XIRP2: variants seen among roughly 807,000 people sequenced by gnomAD.
The protein encoded by XIRP2 is xin actin-binding repeat-containing protein 2.
In XIRP2, 236 loss-of-function variants were observed where a neutral mutation model predicts 277.0. The observed-to-expected ratio is 0.85, with a 90% CI of 0.77 to 0.95. XIRP2 has a LOEUF of 0.95. XIRP2 is among the 40% of genes least tolerant of loss of function. The probability of loss-of-function intolerance (pLI) is 0.00; values close to 1 mark genes in which losing one functional copy is unlikely to be tolerated. For synonymous variants in XIRP2, 1,490 were observed against 1,416.5 expected (o/e 1.05, Z -1.17); for missense variants, 4,640 against 4,157.5 (o/e 1.12, Z -3.19).
chr2:167,114,461 A>G (rs927336358), intron 2 of XIRP2, among the ~76,000 whole-genome samples: 6 of 151,876 alleles, frequency 4.0e-5, no homozygotes, highest in African/African-American at 1.2e-4. Flanking sequence ...TATTATTATT[A>G]TACTTTAAGT....
At chr2:166,979,530 T>C (rs1187331734) in intron 2 of XIRP2, among the ~76,000 whole-genome samples, 1 of 151,828 alleles carries the variant, frequency 6.6e-6, no homozygotes, top group African/African-American at 2.4e-5. Context: ...TTTTTAGAGA[T>C]ACTATTTATC....
chr2:167,128,222 T>C (rs116417666), intron 2 of XIRP2, among the ~76,000 whole-genome samples: 19 of 152,220 alleles, frequency 1.2e-4, no homozygotes, highest in Non-Finnish European at 2.2e-4. Context: ...CTTCTCACTA[T>C]CCTAATGTAG....
rs751487466 is a variant in XIRP2, at chr2:167,246,134, G to A, written c.4742G>A (p.Arg1581Gln). 1.1e-5 allele frequency: 17 copies of A among 1,613,028 alleles called. No individual in the cohort carries two copies. Among genetic ancestry groups the A allele is most frequent in the Admixed American group, 6.7e-5 (4 of 59,856 alleles). Reference protein sequence around the residue: ...IIEADEIGDVRMAKYKLMNQA... With the variant: ...IIEADEIGDVQMAKYKLMNQA... Reference sequence around the variant, plus strand: ...GAAGCTGATGAAATAGGGGATGTTCGAATGGCAAAATACAAGCTAATGAAC... The same window carrying A: ...GAAGCTGATGAAATAGGGGATGTTCAAATGGCAAAATACAAGCTAATGAAC... The change falls in exon 9 of 11, where the codon CGA becomes CAA. Residue 1581 changes from arginine to glutamine, a missense_variant. Transcript: ENST00000409195.
intron 3 of XIRP2, among the ~76,000 whole-genome samples, chr2:167,188,609 C>CTAT (rs1327144236): frequency 6.6e-6 from 1 of 152,178 alleles, no homozygotes; most frequent in Non-Finnish European, 1.5e-5. Context: ...AGTGGCAAAA[C>CTAT]TATTGGGTCA....
Position 167,251,134 on chromosome 2 carries a change from G to A in XIRP2, c.9742G>A (p.Ala3248Thr). The change falls in exon 9 of 11, where the codon GCT (alanine) becomes ACT (threonine). Residue 3248 changes from alanine to threonine, a missense_variant. By Grantham distance (58) the Ala-to-Thr change is moderately conservative. Coordinates refer to ENST00000409195, the MANE Select transcript of XIRP2 (RefSeq NM_152381.6). ...ITIPVNINHA[A>T]SGSFRESVDA... is the part of the protein sequence containing the mutation. ...AATACCAGTAAATATAAATCATGCT[G>A]CTAGTGGTTCCTTCAGAGAATCTGT... 6.2e-7 allele frequency: 1 copy of A among 1,613,476 alleles called. No individual in the cohort carries two copies. The highest frequency in any genetic ancestry group is 2.2e-5 in the East Asian group (1 of 44,826).
chr2:166,908,064 G>T (rs145869064), intron 2 of XIRP2, among the ~76,000 whole-genome samples: 4 of 151,910 alleles, frequency 2.6e-5, no homozygotes, highest in African/African-American at 7.3e-5. Context: ...GAATAGTGCC[G>T]CAGTAAACAT....
At chr2:166,920,074 G>A (rs926879441) in intron 2 of XIRP2, among the ~76,000 whole-genome samples, 7 of 151,948 alleles carry the variant, frequency 4.6e-5, no homozygotes, top group East Asian at 1.9e-4. Context: ...GCTAACATTC[G>A]TCTGCCCTCA....
At chr2:167,026,718 T>A (rs1310012231) in intron 2 of XIRP2, among the ~76,000 whole-genome samples, 1 of 152,176 alleles carries the variant, frequency 6.6e-6, no homozygotes, top group Non-Finnish European at 1.5e-5. Context: ...ATATGAAGCT[T>A]AGTTTGGGTG....
At chr2:166,899,222 T>G (rs1684316842) in intron 1 of XIRP2, among the ~76,000 whole-genome samples, 2 of 152,112 alleles carry the variant, frequency 1.3e-5, no homozygotes, top group Non-Finnish European at 2.9e-5. Context: ...CACATAAAGC[T>G]TATCACAGTC....
chr2:167,158,168 T>G (rs73019950), intron 3 of XIRP2, among the ~76,000 whole-genome samples: 15,025 of 152,164 alleles, frequency 0.099, 788 homozygotes, highest in South Asian at 0.15. Flanking sequence ...AAAATCCAAC[T>G]GAAAATAGCT....
At chr2:167,241,940 C>T (rs1239238649) in intron 8 of XIRP2, 30 bp downstream of exon 8, 2 of 1,597,232 alleles carry the variant, frequency 1.3e-6, no homozygotes, top group Non-Finnish European at 1.7e-6. Context: ...CAGAAACATA[C>T]TAAGTGTAAG....
intron 2 of XIRP2, among the ~76,000 whole-genome samples, chr2:167,134,440 T>C (rs1190134050): frequency 6.6e-6 from 1 of 152,026 alleles, no homozygotes; most frequent in African/African-American, 2.4e-5. Flanking sequence ...ATAGAAAATG[T>C]ATCTACTCTA....
chr2:167,218,107 C>T lies in XIRP2; in HGVS notation c.724-59C>T, dbSNP rs191944243. On this transcript the variant is annotated intron_variant, in intron 4 of 10. Transcript: ENST00000409195. Reference sequence around the variant, plus strand: ...ATGTCAACTATTTTTAAAATAGCTTCAGAATCCCATCCTGCACAGCTGTAA... The same window carrying T: ...ATGTCAACTATTTTTAAAATAGCTTTAGAATCCCATCCTGCACAGCTGTAA... 15 of 1,351,822 alleles carry T rather than the reference C, an allele frequency of 1.1e-5. No homozygotes were observed. The East Asian group carries it at 3.9e-4, about 35-fold the overall frequency. 83.7% of individuals were successfully genotyped at this position (1,351,822 alleles called of 1,614,324 possible).
At chr2:167,047,650 G>A (rs1344056499) in intron 2 of XIRP2, among the ~76,000 whole-genome samples, 2 of 151,876 alleles carry the variant, frequency 1.3e-5, no homozygotes, top group Non-Finnish European at 2.9e-5. Context: ...ATAATATTTA[G>A]TACAAGACAG....
chr2:167,141,714 T>C (rs954389278), intron 3 of XIRP2, among the ~76,000 whole-genome samples: 4 of 151,916 alleles, frequency 2.6e-5, no homozygotes, highest in Non-Finnish European at 4.4e-5. Flanking sequence ...AATAAAAAAT[T>C]AGCTGGGCTT....
intron 5 of XIRP2, among the ~76,000 whole-genome samples, chr2:167,224,491 C>T (rs1219145408): frequency 6.6e-6 from 1 of 152,020 alleles, no homozygotes. Flanking sequence ...AAGTGATCTA[C>T]CGACTTGGCC....
chr2:166,889,271 C>T (rs930353096), intron 1 of XIRP2, among the ~76,000 whole-genome samples: 2 of 152,180 alleles, frequency 1.3e-5, no homozygotes, highest in Non-Finnish European at 2.9e-5. Flanking sequence ...GAAATGCTTT[C>T]CTGCACCTTT....
intron 2 of XIRP2, among the ~76,000 whole-genome samples, chr2:167,061,486 C>A (rs183669251): frequency 3.9e-5 from 6 of 152,006 alleles, no homozygotes; most frequent in African/African-American, 1.4e-4. Flanking sequence ...TTTGTAGATG[C>A]CATTTACCCT....
intron 5 of XIRP2, among the ~76,000 whole-genome samples, chr2:167,235,904 C>G (rs1315889593): frequency 6.6e-6 from 1 of 151,894 alleles, no homozygotes; most frequent in Non-Finnish European, 1.5e-5. Context: ...TCACAATGGT[C>G]ACCCACAAAT....
Sources: allele counts gnomAD v4.1 joint callset (sites outside exome capture counted in the v4.1 genomes callset), GRCh38; gene constraint gnomAD v4.1.1; transcripts MANE v1.5; gene names NCBI Gene and HGNC (gene_info 2026-07-23, HGNC 2026-07-21).